FUT8: variants seen among roughly 807,000 people sequenced by gnomAD.
FUT8 encodes the protein alpha-(1,6)-fucosyltransferase.
In FUT8, 29 loss-of-function variants were observed where a neutral mutation model predicts 71.3. The observed-to-expected ratio is 0.41, with a 90% CI of 0.30 to 0.55. The LOEUF (loss-of-function observed/expected upper bound fraction) is 0.55, where lower values mean the gene tolerates loss of function less well. Among genes scored for constraint, FUT8 ranks in the 20% least tolerant of loss-of-function variants. FUT8 has a pLI of 0.34. For missense variants in FUT8, 544 were observed against 702.1 expected, an observed-to-expected ratio of 0.77 and a Z score of 2.55; for synonymous variants, 254 against 239.3, an observed-to-expected ratio of 1.06 and a Z score of -0.57.
intron 2 of FUT8, among the ~76,000 whole-genome samples, chr14:65,461,985 G>A (rs1428015054): frequency 6.6e-6 from 1 of 152,156 alleles, no homozygotes; most frequent in Non-Finnish European, 1.5e-5. Context: ...TACTTTTTGT[G>A]CCAAAAGAAC....
rs1206680096 is a variant in FUT8, at chr14:65,550,544, C to CTT, written c.-227-10793_-227-10792insTT. Among the ~76,000 whole-genome samples the CTT allele has an allele frequency of 1.3e-5, 2 of 152,202 alleles. No homozygotes were observed. The highest frequency in any genetic ancestry group is 3.9e-4 in the East Asian group (2 of 5,180). On this transcript the variant is annotated intron_variant, in intron 2 of 10. Transcript: ENST00000673929. The surrounding 1 kb of genome is among the most constrained non-coding windows in gnomAD (Gnocchi z 4.5). ...CTACTGAATATATATTGCTTTTATA[C>CTT]CATCATAAAGTTGAAAAATTGTTAA...
chr14:65,468,009 T>C, intron 2 of FUT8: 1 of 687,662 alleles, frequency 1.5e-6, no homozygotes, highest in Non-Finnish European at 2.7e-6. Context: ...CTGAATGTGC[T>C]CAATACGCAC....
At chr14:65,714,893 T>C (rs180948868) in intron 7 of FUT8, among the ~76,000 whole-genome samples, 24 of 152,150 alleles carry the variant, frequency 1.6e-4, no homozygotes, top group Admixed American at 9.2e-4. Context: ...TGTTCACTGT[T>C]GACATATAGA....
rs1491251493 is a variant in FUT8 at position 65,439,991 on chromosome 14, T to TATATATATAC, written c.-325-15630_-325-15629insATATATATAC. On this transcript the variant is annotated intron_variant, in intron 1 of 10. Transcript: ENST00000673929. ...ATATATATATATATATATATATATA[T>TATATATATAC]GTACACACACACAGTGGAATACTGT... is the stretch of plus-strand genomic sequence containing the variant. 1.1e-3 allele frequency among the ~76,000 whole-genome samples: 146 copies of TATATATATAC among 134,212 alleles called. 2 individuals carry two copies. The highest frequency in any genetic ancestry group is 1.7e-3 in the Non-Finnish European group (105 of 61,994). The allele number at this position is 134,212 out of a possible 152,430, so 88.0% of individuals were successfully genotyped here. A position where few individuals can be genotyped will look rare whatever the true frequency, so the allele number is the denominator to read the frequency against.
At chr14:65,642,937 A>G (rs1331220089) in intron 6 of FUT8, among the ~76,000 whole-genome samples, 2 of 152,194 alleles carry the variant, frequency 1.3e-5, no homozygotes, top group Non-Finnish European at 2.9e-5. Flanking sequence ...TGTCATCTAC[A>G]TATAGATACA....
chr14:65,544,694 T>G (rs561774077), intron 2 of FUT8, among the ~76,000 whole-genome samples: 13 of 152,084 alleles, frequency 8.5e-5, no homozygotes, highest in Non-Finnish European at 1.6e-4. Flanking sequence ...GATTATGTGT[T>G]TGTACTTTAT....
intron 6 of FUT8, among the ~76,000 whole-genome samples, chr14:65,658,876 C>T (rs868747446): frequency 6.6e-6 from 1 of 151,812 alleles, no homozygotes; most frequent in African/African-American, 2.4e-5. Context: ...TCTGAGTGCA[C>T]GTGAAAACTG....
the FUT8 span, among the ~76,000 whole-genome samples, chr14:65,386,018 G>A: frequency 6.6e-6 from 1 of 152,096 alleles, no homozygotes; most frequent in Non-Finnish European, 1.5e-5. Context: ...TGGGCGTGGT[G>A]GCATGTGCCT....
intron 1 of FUT8, among the ~76,000 whole-genome samples, chr14:65,418,186 G>A (rs1258779961): frequency 1.3e-5 from 2 of 152,136 alleles, no homozygotes; most frequent in African/African-American, 4.8e-5. Flanking sequence ...ATAACTTTCT[G>A]ATTGTAAACT....
intron 7 of FUT8, among the ~76,000 whole-genome samples, chr14:65,677,180 G>A (rs1046831720): frequency 7.2e-5 from 10 of 138,032 alleles, no homozygotes; most frequent in African/African-American, 2.7e-4. Flanking sequence ...GCACGTATGT[G>A]TGTGCGCATG....
At chr14:65,498,683 A>G (rs1247784261) in intron 2 of FUT8, among the ~76,000 whole-genome samples, 3 of 152,202 alleles carry the variant, frequency 2.0e-5, no homozygotes, top group Admixed American at 2.0e-4. Flanking sequence ...AATTCAATGA[A>G]TTGTTAAAAC....
chr14:65,578,015 G>A (rs1392250323), intron 3 of FUT8, among the ~76,000 whole-genome samples: 1 of 152,080 alleles, frequency 6.6e-6, no homozygotes, highest in South Asian at 2.1e-4. Context: ...CATTCTTGGA[G>A]AAAGGTGTCA....
intron 2 of FUT8, chr14:65,488,309 T>A (rs2066437649): frequency 6.6e-6 from 1 of 152,236 alleles, no homozygotes; most frequent in Non-Finnish European, 1.5e-5. Flanking sequence ...TTTCGCTTCA[T>A]CCTTCTGTGA....
intron 6 of FUT8, among the ~76,000 whole-genome samples, chr14:65,665,619 A>C (rs966185704): frequency 2.6e-5 from 4 of 152,214 alleles, no homozygotes; most frequent in Non-Finnish European, 4.4e-5. Flanking sequence ...TCTACCGTAA[A>C]GATACATGTA....
intron 2 of FUT8, among the ~76,000 whole-genome samples, chr14:65,529,967 C>T (rs545770026): frequency 1.5e-4 from 23 of 152,254 alleles, no homozygotes; most frequent in African/African-American, 5.5e-4. Context: ...CTGGAAATTA[C>T]TCAGCACTAA....
chr14:65,429,195 T>C (rs1308248538), intron 1 of FUT8, among the ~76,000 whole-genome samples: 2 of 152,150 alleles, frequency 1.3e-5, no homozygotes, highest in Non-Finnish European at 2.9e-5. Context: ...TAAAAATCAG[T>C]GTTGTAACTG....
At chr14:65,620,190 A>G (rs1279348862) in intron 5 of FUT8, among the ~76,000 whole-genome samples, 1 of 151,928 alleles carries the variant, frequency 6.6e-6, no homozygotes, top group East Asian at 1.9e-4. Flanking sequence ...TTTTTTTACC[A>G]AGTTCTGTTT....
At chr14:65,427,826 A>G (rs921787612) in intron 1 of FUT8, among the ~76,000 whole-genome samples, 1 of 152,218 alleles carries the variant, frequency 6.6e-6, no homozygotes, top group African/African-American at 2.4e-5. Flanking sequence ...GTCCATTTGC[A>G]GTCACTCCCT....
At chr14:65,364,798 A>C in the FUT8 span, among the ~76,000 whole-genome samples, 188 of 152,278 alleles carry the variant, frequency 1.2e-3, no homozygotes, top group Non-Finnish European at 1.9e-3. Flanking sequence ...AATAGGCCTA[A>C]GTCTTCCTTG....
Sources: gnomAD v4.1 joint callset for allele counts (sites outside exome capture counted in the v4.1 genomes callset) on GRCh38, gnomAD v4.1.1 for gene constraint, Gnocchi (gnomAD v3.1) non-coding constraint, MANE v1.5 for transcripts, NCBI Gene and HGNC (gene_info 2026-07-23, HGNC 2026-07-21) for gene names.